Variants in DIP2C observed in about 807,000 individuals in gnomAD.
DIP2C encodes DIP2 acetate--CoA ligase C (putative).
Under a neutral mutation model 192.4 loss-of-function variants are expected in DIP2C, and 33 were observed. The observed-to-expected ratio is 0.17, with a 90% CI of 0.13 to 0.23. The LOEUF is 0.23. Ranked by LOEUF, DIP2C falls within the 10% of genes least tolerant of loss-of-function variation. DIP2C has a pLI of 1.00. For missense variants in DIP2C, 1,537 were observed against 2,110.1 expected (o/e 0.73, Z 5.32); for synonymous variants, 979 against 864.1 (o/e 1.13, Z -2.33).
intron 17 of DIP2C, among the ~76,000 whole-genome samples, chr10:376,816 A>G (rs1961655902): frequency 6.6e-6 from 1 of 152,172 alleles, no homozygotes; most frequent in Non-Finnish European, 1.5e-5. Context: ...TAAGCTTGTG[A>G]ACTCATTTCA....
At chr10:438,169 C>T (rs927565986) in intron 4 of DIP2C, among the ~76,000 whole-genome samples, 2 of 152,128 alleles carry the variant, frequency 1.3e-5, no homozygotes, top group Non-Finnish European at 2.9e-5. Context: ...TTGCATTTTG[C>T]AAAGACATCT....
intron 1 of DIP2C, among the ~76,000 whole-genome samples, chr10:657,222 C>A (rs1410803706): frequency 8.2e-6 from 1 of 122,182 alleles, no homozygotes; most frequent in Non-Finnish European, 1.7e-5. Flanking sequence ...TGACCCTGGA[C>A]CTGCCCCTGG....
chr10:560,259 G>A (rs1300098113), intron 1 of DIP2C, among the ~76,000 whole-genome samples: 1 of 152,210 alleles, frequency 6.6e-6, no homozygotes, highest in African/African-American at 2.4e-5. Context: ...AAGGTGGACA[G>A]GATGGAGGAG....
intron 1 of DIP2C, among the ~76,000 whole-genome samples, chr10:679,570 TC>T (rs1182961310): frequency 1.8e-4 from 9 of 51,308 alleles, no homozygotes; most frequent in African/African-American, 5.6e-4. Flanking sequence ...GCACCCATCC[TC>T]CCCCCACCCA....
Position 632,524 on chromosome 10 carries a change from C to G in DIP2C, c.85+56970G>C, listed in dbSNP as rs578237954. ...TGAACCCAGACTCCACGGCCAGCACCGTAACTGGAGACCACGCGGGCACCG... is the reference window on the plus strand; with the variant it reads ...TGAACCCAGACTCCACGGCCAGCACGGTAACTGGAGACCACGCGGGCACCG... On this transcript the variant is annotated intron_variant, in intron 1 of 36. Transcript: ENST00000280886. 2.8e-3 allele frequency among the ~76,000 whole-genome samples: 117 copies of G among 42,072 alleles called. 1 individual carries two copies. Among genetic ancestry groups the G allele is most frequent in the Non-Finnish European group, 3.8e-3 (83 of 22,050 alleles). The allele number at this position is 42,072 out of a possible 152,430, so 27.6% of individuals were successfully genotyped here. A position where few individuals can be genotyped will look rare whatever the true frequency, so the allele number is the denominator to read the frequency against.
chr10:670,223 C>T (rs1830551467), intron 1 of DIP2C, among the ~76,000 whole-genome samples: 2 of 142,584 alleles, frequency 1.4e-5, no homozygotes, highest in South Asian at 2.1e-4. Flanking sequence ...CATACGCACA[C>T]GCATGCATGC....
intron 1 of DIP2C, among the ~76,000 whole-genome samples, chr10:641,215 G>A (rs139568151): frequency 0.012 from 1,782 of 152,056 alleles, 10 homozygotes; most frequent in Non-Finnish European, 0.019. Context: ...TAGTGGGGAC[G>A]CTCTCCGGAC....
At chr10:680,566 T>C (rs1013053451) in intron 1 of DIP2C, among the ~76,000 whole-genome samples, 17 of 152,168 alleles carry the variant, frequency 1.1e-4, no homozygotes, top group African/African-American at 3.4e-4. Context: ...CCCAGTGACG[T>C]TTCTGTTTTC....
rs1482561187 is a variant in DIP2C, at chr10:653,159, G to T, written c.85+36335C>A. Among the ~76,000 whole-genome samples, 4 of 152,178 alleles carry T rather than the reference G, an allele frequency of 2.6e-5. No individual in the cohort carries two copies. In the East Asian group the frequency reaches 5.8e-4, roughly 22 times the overall value. ...GATATTCAATGCCACATTTAAAATG[G>T]TCATGGCAGCCAGGCACAGTGGCTC... is the stretch of plus-strand genomic sequence containing the variant. On this transcript the variant is annotated intron_variant, in intron 1 of 36. Transcript: ENST00000280886.
chr10:472,759 C>T (rs1290040636), intron 2 of DIP2C, among the ~76,000 whole-genome samples: 1 of 152,166 alleles, frequency 6.6e-6, no homozygotes, highest in Non-Finnish European at 1.5e-5. Context: ...CTAGACGCCG[C>T]CACGGTCCCT....
At chr10:329,668 G>T in intron 29 of DIP2C, 67 bp from the exon 30 acceptor site, 1 of 1,523,454 alleles carries the variant, frequency 6.6e-7, no homozygotes, top group East Asian at 2.3e-5. Flanking sequence ...AGGCTGGAGG[G>T]CTCAGGGCAG....
At chr10:389,943 G>A (rs759669915) in intron 13 of DIP2C, 48 bp downstream of exon 13, 2 of 1,485,494 alleles carry the variant, frequency 1.3e-6, no homozygotes, top group Non-Finnish European at 1.9e-6. Context: ...CGTGTCAGGT[G>A]TCCCGGTTAG....
chr10:647,235 C>G (rs1855503951), intron 1 of DIP2C, among the ~76,000 whole-genome samples: 1 of 151,862 alleles, frequency 6.6e-6, no homozygotes, highest in Non-Finnish European at 1.5e-5. Flanking sequence ...TGGGAGAGAA[C>G]AGAGGGAAAC....
At chr10:638,621 T>C (rs530327306) in intron 1 of DIP2C, among the ~76,000 whole-genome samples, 8 of 152,204 alleles carry the variant, frequency 5.3e-5, no homozygotes, top group Non-Finnish European at 1.2e-4. Context: ...AGTTTGACTG[T>C]GAGTTTCAAG....
chr10:574,998 G>C (rs980217084), intron 1 of DIP2C, among the ~76,000 whole-genome samples: 1 of 152,144 alleles, frequency 6.6e-6, no homozygotes, highest in African/African-American at 2.4e-5. Context: ...ACAGCAGAGG[G>C]AAGACCCACG....
chr10:408,996 A>G lies in DIP2C; in HGVS notation c.1079T>C (p.Met360Thr), dbSNP rs1375776756. 9.9e-6 allele frequency: 16 copies of G among 1,614,056 alleles called. No homozygotes were observed. Among genetic ancestry groups the G allele is most frequent in the Non-Finnish European group, 1.4e-5 (16 of 1,180,038 alleles). ...LTYGKLWTRSMKVAYSILHKL... is the reference protein window; with the variant it reads ...LTYGKLWTRSTKVAYSILHKL... ...GTGTAGAATGCTGTAAGCGACCTTC[A>G]TACTTCTTGTCCACAGCTTGCCTAT... The change falls in exon 9 of 37, where the codon ATG (methionine) becomes ACG (threonine). Residue 360 changes from methionine (M) to threonine (T), a missense_variant. Physicochemically the swap from Met to Thr is moderately conservative, Grantham distance 81. Transcript: ENST00000280886.
intron 1 of DIP2C, among the ~76,000 whole-genome samples, chr10:541,319 GCTCAGGT>G (rs1279427972): frequency 1.3e-5 from 2 of 152,102 alleles, no homozygotes; most frequent in Non-Finnish European, 2.9e-5. Flanking sequence ...GCACAGACAT[GCTCAGGT>G]CCAGCTGCTC....
At chr10:641,205 TA>T (rs1489203646) in intron 1 of DIP2C, among the ~76,000 whole-genome samples, 2 of 151,624 alleles carry the variant, frequency 1.3e-5, no homozygotes, top group African/African-American at 4.9e-5. Context: ...TTTGAGGTCA[TA>T]GTGGGGACGC....
At chr10:397,948 T>G (rs550645101) in intron 10 of DIP2C, among the ~76,000 whole-genome samples, 2 of 152,274 alleles carry the variant, frequency 1.3e-5, no homozygotes, top group South Asian at 4.2e-4. Flanking sequence ...TCAGACACAG[T>G]TGACCAGCAA....
Sources: allele counts gnomAD v4.1 joint callset (sites outside exome capture counted in the v4.1 genomes callset), GRCh38; gene constraint gnomAD v4.1.1; transcripts MANE v1.5; gene names NCBI Gene and HGNC (gene_info 2026-07-23, HGNC 2026-07-21).